The following IFT57 variants were observed in gnomAD, a reference collection of about 807,000 sequenced individuals.
The protein encoded by IFT57 is intraflagellar transport 57.
Under a neutral mutation model 56.8 loss-of-function variants are expected in IFT57, and 59 were observed. That is an observed-to-expected ratio of 1.04 (90% CI 0.84 to 1.29). The LOEUF is 1.29. Ranked by LOEUF, IFT57 falls within the 50% of genes most tolerant of loss-of-function variation. The pLI is 0.00. For missense variants in IFT57, 470 were observed against 522.1 expected (o/e 0.90, Z 0.97); for synonymous variants, 209 against 186.1 (o/e 1.12, Z -1.00).
intron 6 of IFT57, among the ~76,000 whole-genome samples, chr3:108,177,131 G>A (rs2080128483): frequency 6.6e-6 from 1 of 151,718 alleles, no homozygotes; most frequent in Non-Finnish European, 1.5e-5. Flanking sequence ...CAGTTCACTT[G>A]TAATATTTGA....
At chr3:108,193,376 T>C (rs2080226307) in intron 5 of IFT57, among the ~76,000 whole-genome samples, 2 of 152,232 alleles carry the variant, frequency 1.3e-5, no homozygotes, top group South Asian at 4.1e-4. Context: ...AAGCCTATAC[T>C]GCTTTTTGTT....
At chr3:108,184,617 G>C (rs1004603081) in intron 6 of IFT57, among the ~76,000 whole-genome samples, 4 of 151,990 alleles carry the variant, frequency 2.6e-5, no homozygotes, top group Admixed American at 2.6e-4. Context: ...TGTAAACAAA[G>C]GTAGATATGC....
At chr3:108,221,998 G>C (rs780054200) in intron 1 of IFT57, 113 bp downstream of exon 1, 106 of 1,494,210 alleles carry the variant, frequency 7.1e-5, no homozygotes, top group Non-Finnish European at 8.9e-5. Context: ...CTAGGAAGAC[G>C]GAGGCAAGGA....
chr3:108,218,713 T>A, intron 2 of IFT57, 60 bp from the exon 3 acceptor site: 1 of 810,880 alleles, frequency 1.2e-6, no homozygotes, highest in Non-Finnish European at 1.9e-6. Flanking sequence ...ATGTCAAATA[T>A]TTTAAGCAAA....
chr3:108,209,031 C>T (rs1221129974), intron 4 of IFT57, among the ~76,000 whole-genome samples: 1 of 152,126 alleles, frequency 6.6e-6, no homozygotes, highest in Non-Finnish European at 1.5e-5. Context: ...GAACTGAAAC[C>T]AGCTGAGGTG....
intron 6 of IFT57, among the ~76,000 whole-genome samples, chr3:108,173,046 A>G (rs1021102449): frequency 2.0e-5 from 3 of 152,006 alleles, no homozygotes; most frequent in South Asian, 2.1e-4. Flanking sequence ...TCTCACAGAA[A>G]TAATTGGGAA....
intron 9 of IFT57, among the ~76,000 whole-genome samples, chr3:108,164,334 C>T (rs949763135): frequency 6.6e-6 from 1 of 151,946 alleles, no homozygotes; most frequent in Non-Finnish European, 1.5e-5. Flanking sequence ...ACTACTATAA[C>T]CTCTATTATT....
chr3:108,179,860 G>A (rs987173574), intron 6 of IFT57, among the ~76,000 whole-genome samples: 3 of 150,740 alleles, frequency 2.0e-5, no homozygotes, highest in Non-Finnish European at 4.4e-5. Flanking sequence ...TGGTGTAAAA[G>A]CATAATTTTT....
At position 108,222,353 on chromosome 3, in the gene IFT57, A is replaced by C; in HGVS notation, c.-31T>G. On this transcript the variant is annotated 5_prime_UTR_variant, in exon 1 of 11. Coordinates refer to ENST00000264538, the MANE Select transcript of IFT57 (RefSeq NM_018010.4). ...AACGGACAGAGTCCAGCGTGGGCTC[A>C]GGCCCACAGACCTCTGCGGCCTAAG... 1.3e-6 allele frequency: 2 copies of C among 1,575,834 alleles called. No homozygotes were observed. Among genetic ancestry groups the C allele is most frequent in the Non-Finnish European group, 1.7e-6 (2 of 1,160,520 alleles).
At position 108,163,655 on chromosome 3, in the gene IFT57, G is replaced by A. The variant is rs1276329164; in HGVS notation, c.1111+8C>T. 6.2e-7 allele frequency: 1 copy of A among 1,603,178 alleles called. No homozygotes were observed. The highest frequency in any genetic ancestry group is 2.2e-5 in the East Asian group (1 of 44,654). On this transcript the variant is annotated splice_region_variant and intron_variant, in intron 10 of 10. Coordinates refer to ENST00000264538, the MANE Select transcript of IFT57 (RefSeq NM_018010.4). ...TCAGTTTTTCCCCTAAAATGAGCAT[G>A]TACTTACCACCATCAGTCATGCTGC... is the stretch of plus-strand genomic sequence containing the variant.
chr3:108,168,665 C>A (rs958155452), intron 6 of IFT57, among the ~76,000 whole-genome samples: 1 of 151,916 alleles, frequency 6.6e-6, no homozygotes, highest in Non-Finnish European at 1.5e-5. Flanking sequence ...CCCCAACAGG[C>A]CTGGGTGTGT....
intron 3 of IFT57, among the ~76,000 whole-genome samples, chr3:108,217,690 G>A (rs2080380161): frequency 6.6e-6 from 1 of 150,610 alleles, no homozygotes; most frequent in African/African-American, 2.4e-5. Context: ...ATATGTGTGT[G>A]TGTGTATATA....
At chr3:108,189,412 A>C (rs976524571) in intron 6 of IFT57, among the ~76,000 whole-genome samples, 49 of 152,218 alleles carry the variant, frequency 3.2e-4, no homozygotes, top group Admixed American at 2.6e-3. Flanking sequence ...AGACATTCTA[A>C]GAATAAATTA....
intron 5 of IFT57, among the ~76,000 whole-genome samples, chr3:108,195,779 A>C (rs1286018842): frequency 6.6e-6 from 1 of 152,116 alleles, no homozygotes; most frequent in Non-Finnish European, 1.5e-5. Context: ...AGTAGATTTC[A>C]TGGAGGTAGA....
intron 5 of IFT57, among the ~76,000 whole-genome samples, chr3:108,192,955 G>A (rs926839946): frequency 4.6e-5 from 7 of 151,858 alleles, no homozygotes; most frequent in East Asian, 3.9e-4. Flanking sequence ...AAAGGGAGGC[G>A]GCTTTAAATA....
intron 5 of IFT57, among the ~76,000 whole-genome samples, chr3:108,193,835 A>G (rs1013556195): frequency 6.6e-6 from 1 of 152,238 alleles, no homozygotes; most frequent in Admixed American, 6.5e-5. Context: ...GTTTGGAAGA[A>G]CTAGGCATAT....
chr3:108,182,834 A>T (rs3804646), intron 6 of IFT57, among the ~76,000 whole-genome samples: 10,863 of 152,200 alleles, frequency 0.071, 1,206 homozygotes, highest in East Asian at 0.53. Flanking sequence ...TACTAGAGAC[A>T]TTTTGGTGGA....
chr3:108,210,492 CCTGT>C (rs200439495), intron 4 of IFT57, among the ~76,000 whole-genome samples: 1,522 of 152,006 alleles, frequency 0.01, 19 homozygotes, highest in African/African-American at 0.034. Context: ...CACCACCACG[CCTGT>C]CTAATTTTTG....
chr3:108,167,723 A>G (rs550892025), intron 7 of IFT57, 70 bp downstream of exon 7: 15 of 1,060,234 alleles, frequency 1.4e-5, no homozygotes, highest in Non-Finnish European at 1.7e-5. Context: ...TTATTCTTTC[A>G]TGTTCTCTTA....
Sources: gnomAD v4.1 joint callset for allele counts (sites outside exome capture counted in the v4.1 genomes callset) on GRCh38, gnomAD v4.1.1 for gene constraint, MANE v1.5 for transcripts, NCBI Gene and HGNC (gene_info 2026-07-23, HGNC 2026-07-21) for gene names.